Variants in GLIS1 observed in about 807,000 individuals in gnomAD.
The protein encoded by GLIS1 is GLIS family zinc finger 1.
Under a neutral mutation model 63.8 loss-of-function variants are expected in GLIS1, and 24 were observed. That is an observed-to-expected ratio of 0.38 (90% CI 0.27 to 0.53). The LOEUF (loss-of-function observed/expected upper bound fraction) is 0.53. Among genes scored for constraint, GLIS1 ranks in the 20% least tolerant of loss-of-function variants. The pLI is 0.85. For synonymous variants in GLIS1, 450 were observed against 482.5 expected (o/e 0.93, Z 0.88); for missense variants, 1,036 against 1,074.1 (o/e 0.96, Z 0.50).
chr1:53,561,074 C>T (rs1465338063), intron 4 of GLIS1, among the ~76,000 whole-genome samples: 7 of 152,164 alleles, frequency 4.6e-5, no homozygotes, highest in Non-Finnish European at 1.0e-4. Flanking sequence ...GGCTTCTCTA[C>T]AGACATTGAC....
Position 53,509,268 on chromosome 1 carries a change from G to A in GLIS1, c.2082C>T (p.His694=). 6.3e-7 allele frequency: 1 copy of A among 1,584,710 alleles called. No individual in the cohort carries two copies. The part of the protein sequence containing the change: ...PSPQGYQGSF[H]SIQSCFPYGD... ...CATAGGGGAAGCAACTCTGGATGGA[G>A]TGGAAACTGCCCTGGTAACCTGCAG... Residue 694 remains histidine (H), a synonymous_variant, in exon 10 of 11, where the codon CAC becomes CAT. Transcript: ENST00000628545.
intron 2 of GLIS1, among the ~76,000 whole-genome samples, chr1:53,733,049 T>C (rs1287250935): frequency 2.0e-5 from 3 of 152,210 alleles, no homozygotes; most frequent in African/African-American, 7.2e-5. Context: ...TCCCAAACTT[T>C]AGTTTCTCCC....
intron 4 of GLIS1, among the ~76,000 whole-genome samples, chr1:53,541,122 G>C (rs1020379618): frequency 5.3e-5 from 8 of 152,180 alleles, no homozygotes; most frequent in African/African-American, 1.9e-4. Context: ...GAGAGAGTTG[G>C]GGGTGGGAGG....
intron 2 of GLIS1, among the ~76,000 whole-genome samples, chr1:53,698,163 G>C (rs11582634): frequency 0.098 from 14,597 of 148,932 alleles, 909 homozygotes; most frequent in Middle Eastern, 0.18. Context: ...ACTCTCCCAG[G>C]AACACGCCCT....
At chr1:53,680,554 CA>C (rs1646264238) in intron 2 of GLIS1, among the ~76,000 whole-genome samples, 1 of 152,214 alleles carries the variant, frequency 6.6e-6, no homozygotes, top group Admixed American at 6.5e-5. Flanking sequence ...CATTAAATAA[CA>C]GAAGGGAAAG....
chr1:53,582,922 G>T (rs61326492), intron 4 of GLIS1, among the ~76,000 whole-genome samples: 5,760 of 152,246 alleles, frequency 0.038, 363 homozygotes, highest in African/African-American at 0.13. Flanking sequence ...GGGTACTGGG[G>T]ATCTTACGGA....
chr1:53,534,987 G>A (rs1644568452), intron 4 of GLIS1, among the ~76,000 whole-genome samples: 1 of 152,016 alleles, frequency 6.6e-6, no homozygotes, highest in Non-Finnish European at 1.5e-5. Context: ...GAAACACAGA[G>A]CCAGGAAAAG....
At chr1:53,645,223 C>T (rs935238165) in intron 2 of GLIS1, among the ~76,000 whole-genome samples, 5 of 152,316 alleles carry the variant, frequency 3.3e-5, no homozygotes, top group South Asian at 4.1e-4. Flanking sequence ...TCTTGATTCA[C>T]ACATTGCATG....
At chr1:53,595,127 G>T in intron 3 of GLIS1, 137 bp from the exon 4 acceptor site, 1 of 658,838 alleles carries the variant, frequency 1.5e-6, no homozygotes, top group Non-Finnish European at 2.3e-6. Flanking sequence ...AGGGCTAGAG[G>T]CAGAGAAAGA....
chr1:53,621,281 G>A (rs992465441), intron 2 of GLIS1, among the ~76,000 whole-genome samples: 7 of 152,216 alleles, frequency 4.6e-5, no homozygotes, highest in Admixed American at 4.6e-4. Flanking sequence ...CCCCAGCCCA[G>A]CCAGGAGCAG....
intron 2 of GLIS1, among the ~76,000 whole-genome samples, chr1:53,673,109 G>A (rs1328002341): frequency 6.6e-6 from 1 of 152,186 alleles, no homozygotes; most frequent in Non-Finnish European, 1.5e-5. Context: ...TGGAAGCCTT[G>A]TTCCAATCTG....
intron 4 of GLIS1, among the ~76,000 whole-genome samples, chr1:53,557,644 G>A (rs1369150279): frequency 6.6e-6 from 1 of 152,290 alleles, no homozygotes; most frequent in East Asian, 1.9e-4. Context: ...CAGACGCACA[G>A]GGCAGCTCAC....
At chr1:53,697,447 A>AC (rs144917537) in intron 2 of GLIS1, among the ~76,000 whole-genome samples, 1,874 of 151,566 alleles carry the variant, frequency 0.012, 32 homozygotes, top group African/African-American at 0.043. Flanking sequence ...GTTCAGTGCC[A>AC]CCCCCCCAAG....
At chr1:53,540,506 C>T (rs1012131453) in intron 4 of GLIS1, among the ~76,000 whole-genome samples, 2 of 152,170 alleles carry the variant, frequency 1.3e-5, no homozygotes, top group Admixed American at 6.5e-5. Flanking sequence ...GGGTGTCCTC[C>T]TGCGGTGGAC....
intron 4 of GLIS1, among the ~76,000 whole-genome samples, chr1:53,553,748 C>G (rs56200807): frequency 0.16 from 23,844 of 152,124 alleles, 2,055 homozygotes; most frequent in South Asian, 0.22. Context: ...TCAGGAGCTA[C>G]CCCTAAGCTT....
At chr1:53,655,436 G>A (rs1645954841) in intron 2 of GLIS1, among the ~76,000 whole-genome samples, 2 of 152,154 alleles carry the variant, frequency 1.3e-5, no homozygotes, top group African/African-American at 4.8e-5. Context: ...TGGCCTTGGG[G>A]TGCAAGGAAG....
At chr1:53,550,818 C>T (rs571441251) in intron 4 of GLIS1, among the ~76,000 whole-genome samples, 1 of 152,250 alleles carries the variant, frequency 6.6e-6, no homozygotes, top group Non-Finnish European at 1.5e-5. Flanking sequence ...GGTTCAGACG[C>T]TCCCCACTCC....
At chr1:53,617,048 A>AGAGGGCCTAGAGCCAGCC (rs1645489990) in intron 2 of GLIS1, among the ~76,000 whole-genome samples, 1 of 151,600 alleles carries the variant, frequency 6.6e-6, no homozygotes, top group South Asian at 2.1e-4. Context: ...GCCCTCCTCC[A>AGAGGGCCTAGAGCCAGCC]GAGGGCCTAG....
In GLIS1 at chr1:53,607,958, CT is replaced by C. The variant is rs377462740; in HGVS notation, c.260-7681del. On this transcript the variant is annotated intron_variant, in intron 2 of 10. Transcript: ENST00000628545. The stretch of plus-strand genomic sequence containing the variant: ...GTAGAGTGAGCTCTCTGATGTCTCT[CT>C]TTTTTTTTTTTTTTTTTGAGACAGG... 1.6e-3 allele frequency among the ~76,000 whole-genome samples: 208 copies of C among 128,606 alleles called. 1 individual carries two copies. Among genetic ancestry groups the C allele is most frequent in the Non-Finnish European group, 1.8e-3 (112 of 62,484 alleles). 84.4% of individuals were successfully genotyped at this position (128,606 alleles called of 152,430 possible).
Sources: allele counts gnomAD v4.1 joint callset (sites outside exome capture counted in the v4.1 genomes callset), GRCh38; gene constraint gnomAD v4.1.1; transcripts MANE v1.5; gene names NCBI Gene and HGNC (gene_info 2026-07-23, HGNC 2026-07-21).